The following LCP2 variants were observed in gnomAD, a reference collection of about 807,000 sequenced individuals.
LCP2 encodes the protein lymphocyte cytosolic protein 2, also known as 76 kDa tyrosine phosphoprotein.
In LCP2, 29 loss-of-function variants were observed where a neutral mutation model predicts 74.5. The observed-to-expected ratio is 0.39, with a 90% CI of 0.29 to 0.53. The LOEUF is 0.53. Among genes scored for constraint, LCP2 ranks in the 20% least tolerant of loss-of-function variants. LCP2 has a pLI of 0.72. For missense variants in LCP2, 604 were observed against 634.6 expected (o/e 0.95, Z 0.52); for synonymous variants, 228 against 229.5 (o/e 0.99, Z 0.06).
At chr5:170,278,890 G>A (rs974854761) in intron 3 of LCP2, among the ~76,000 whole-genome samples, 3 of 151,470 alleles carry the variant, frequency 2.0e-5, no homozygotes, top group Non-Finnish European at 4.4e-5. Context: ...GGGTCCTCCT[G>A]CTTTAAGGGG....
In LCP2 at chr5:170,288,008, T is replaced by C; in HGVS notation, c.150A>G (p.Thr50=). The change falls in exon 3 of 21, where the codon ACA becomes ACG. Residue 50 remains threonine (T), a synonymous_variant. Transcript: ENST00000046794. ...TGGGGAACTTCTGGATGTCATTTTC[T>C]GTCAGGTTCTGAAATGAAGACACAT... is the stretch of plus-strand genomic sequence containing the variant. ...HIDGARFLNL[T]ENDIQKFPKL... is the part of the protein sequence containing the mutation. The C allele has an allele frequency of 6.2e-7, 1 of 1,613,988 alleles. No homozygotes were observed. The highest frequency in any genetic ancestry group is 1.1e-5 in the South Asian group (1 of 91,080).
intron 6 of LCP2, among the ~76,000 whole-genome samples, chr5:170,273,270 T>C (rs1286562054): frequency 3.3e-5 from 5 of 152,234 alleles, no homozygotes; most frequent in Non-Finnish European, 7.3e-5. Context: ...CAAGAGAGGC[T>C]GCATGGCAAG....
chr5:170,287,061 T>C (rs1762194407), intron 3 of LCP2, among the ~76,000 whole-genome samples: 1 of 152,216 alleles, frequency 6.6e-6, no homozygotes, highest in African/African-American at 2.4e-5. Flanking sequence ...GATAGGACAT[T>C]GTTGGGTCCA....
At chr5:170,297,383 A>G in intron 1 of LCP2, 151 bp downstream of exon 1, 1 of 636,564 alleles carries the variant, frequency 1.6e-6, no homozygotes, top group Non-Finnish European at 2.8e-6. Context: ...TCAGCGGTCT[A>G]TATGGCGCTC....
intron 8 of LCP2, among the ~76,000 whole-genome samples, chr5:170,267,972 G>A (rs1327061868): frequency 6.6e-6 from 1 of 152,134 alleles, no homozygotes; most frequent in Non-Finnish European, 1.5e-5. Flanking sequence ...GCTCGAAGAA[G>A]GAGAAAACGG....
intron 17 of LCP2, among the ~76,000 whole-genome samples, chr5:170,255,294 T>G (rs906812734): frequency 6.6e-6 from 1 of 152,174 alleles, no homozygotes; most frequent in Non-Finnish European, 1.5e-5. Flanking sequence ...CGCCCCTCTA[T>G]GGAATGATGC....
rs80125456 is a variant in LCP2 at position 170,288,086 on chromosome 5, T to C, written c.142-70A>G. 4.5e-4 allele frequency: 668 copies of C among 1,486,006 alleles called. 3 individuals carry two copies. The African/African-American group carries it at 7.9e-3, about 18-fold the overall frequency. The allele number at this position is 1,486,006 out of a possible 1,614,324, so 92.1% of individuals were successfully genotyped here. ...AGGGCTCTGAGCAGGAGGGGAAGAG[T>C]GATACGTGAAACAATATAGGGAGTG... On this transcript the variant is annotated intron_variant, in intron 2 of 20. Coordinates refer to ENST00000046794, the MANE Select transcript of LCP2 (RefSeq NM_005565.5).
intron 6 of LCP2, among the ~76,000 whole-genome samples, chr5:170,273,403 C>CT (rs1320660345): frequency 9.2e-5 from 14 of 152,008 alleles, no homozygotes; most frequent in Admixed American, 5.2e-4. Flanking sequence ...TTAGCTAAAT[C>CT]TTTTTTTTGT....
In LCP2 at chr5:170,297,658, A is replaced by G. The variant is rs374430495; in HGVS notation, c.-47T>C. The G allele has an allele frequency of 4.0e-5, 60 of 1,511,642 alleles. No homozygotes were observed. The highest frequency in any genetic ancestry group is 2.1e-4 in the Admixed American group (11 of 52,722). The allele number at this position is 1,511,642 out of a possible 1,614,324, so 93.6% of individuals were successfully genotyped here. A position where few individuals can be genotyped will look rare whatever the true frequency, so the allele number is the denominator to read the frequency against. ...CTCACAAGCTGAGCATGGGCGCTTC[A>G]CCCATGGGCAGAGAAGCTCAAATCC... On this transcript the variant is annotated 5_prime_UTR_variant, in exon 1 of 21. Transcript: ENST00000046794.
chr5:170,248,577 C>T lies in LCP2; in HGVS notation c.*120G>A, dbSNP rs1761351173. The T allele has an allele frequency of 4.1e-5, 41 of 1,002,592 alleles. No homozygotes were observed. The South Asian group carries it at 5.8e-4, about 14-fold the overall frequency. 62.1% of individuals were successfully genotyped at this position (1,002,592 alleles called of 1,614,324 possible). On this transcript the variant is annotated 3_prime_UTR_variant, in exon 21 of 21. Coordinates refer to ENST00000046794, the MANE Select transcript of LCP2 (RefSeq NM_005565.5). ...CTGTTTTTAAAGGAAAGGATAAAAC[C>T]CTTGTGTTCATGGGGAGGGGTTCAG...
chr5:170,262,933 A>G (rs34110586), intron 11 of LCP2, 34 bp downstream of exon 11: 22 of 1,613,954 alleles, frequency 1.4e-5, no homozygotes, highest in Admixed American at 6.7e-5. Flanking sequence ...TGTGAAACAA[A>G]CAAACACAAC....
chr5:170,269,875 T>A (rs1761864149), intron 7 of LCP2, among the ~76,000 whole-genome samples: 2 of 152,334 alleles, frequency 1.3e-5, no homozygotes, highest in South Asian at 4.1e-4. Flanking sequence ...ACAGACTTGA[T>A]CATGGTTGTC....
intron 10 of LCP2, among the ~76,000 whole-genome samples, chr5:170,264,421 ATAT>A (rs1761712317): frequency 6.6e-6 from 1 of 152,178 alleles, no homozygotes; most frequent in South Asian, 2.1e-4. Flanking sequence ...GCGAATGGTG[ATAT>A]TATCTCCCTG....
At chr5:170,271,531 G>A (rs1017874320) in intron 6 of LCP2, among the ~76,000 whole-genome samples, 1 of 152,130 alleles carries the variant, frequency 6.6e-6, no homozygotes, top group Non-Finnish European at 1.5e-5. Context: ...ATCTGACACT[G>A]AGTTTGAAGC....
At chr5:170,265,815 G>A (rs1219057121) in intron 10 of LCP2, among the ~76,000 whole-genome samples, 1 of 152,160 alleles carries the variant, frequency 6.6e-6, no homozygotes, top group African/African-American at 2.4e-5. Context: ...AAAGGGGTGG[G>A]GGCAGCTGGG....
At chr5:170,259,334 G>C (rs1390369723) in intron 14 of LCP2, among the ~76,000 whole-genome samples, 2 of 152,142 alleles carry the variant, frequency 1.3e-5, no homozygotes, top group Non-Finnish European at 2.9e-5. Flanking sequence ...AAATATGTCT[G>C]ACCAAAGCTC....
At position 170,268,384 on chromosome 5, in the gene LCP2, C is replaced by T; in HGVS notation, c.621+1G>A. ...CTGTAAAAGAACGGGAGGAGGCCTACCGAGTGATTCCGGCCGGCTGGTGGG... is the reference window on the plus strand; with the variant it reads ...CTGTAAAAGAACGGGAGGAGGCCTATCGAGTGATTCCGGCCGGCTGGTGGG... On this transcript the variant is annotated splice_donor_variant, in intron 8 of 20. Coordinates refer to ENST00000046794, the MANE Select transcript of LCP2 (RefSeq NM_005565.5). LOFTEE classifies it high-confidence loss of function. 1.3e-6 allele frequency: 1 copy of T among 752,638 alleles called. No homozygotes were observed. The highest frequency in any genetic ancestry group is 1.8e-6 in the Non-Finnish European group (1 of 568,570). 46.6% of individuals were successfully genotyped at this position (752,638 alleles called of 1,614,324 possible).
intron 3 of LCP2, among the ~76,000 whole-genome samples, chr5:170,277,599 TAGTC>T (rs1032778207): frequency 1.3e-4 from 20 of 151,698 alleles, no homozygotes; most frequent in African/African-American, 4.8e-4. Flanking sequence ...CTACAAAAAT[TAGTC>T]AGGCATGGTG....
chr5:170,263,751 G>A lies in LCP2; in HGVS notation c.773-759C>T, dbSNP rs187694713. Among the ~76,000 whole-genome samples, 342 of 152,190 alleles carry A rather than the reference G, an allele frequency of 2.2e-3. 4 individuals are homozygous for A. The highest frequency in any genetic ancestry group is 8.1e-3 in the African/African-American group (335 of 41,508). On this transcript the variant is annotated intron_variant, in intron 10 of 20. Coordinates refer to ENST00000046794, the MANE Select transcript of LCP2 (RefSeq NM_005565.5). ...AAATATTACTAACAAAATTCAACCA[G>A]GTCTAGAAGCAAATCCCACATGACC...
Sources: allele counts gnomAD v4.1 joint callset (sites outside exome capture counted in the v4.1 genomes callset), GRCh38; gene constraint gnomAD v4.1.1; transcripts MANE v1.5; gene names NCBI Gene and HGNC (gene_info 2026-07-23, HGNC 2026-07-21).